TFAP2B: variants seen among roughly 807,000 people sequenced by gnomAD.
The protein encoded by TFAP2B is transcription factor AP-2-beta.
A neutral mutation model predicts 44.3 loss-of-function variants in TFAP2B; 9 were observed. The observed-to-expected ratio is 0.20, with a 90% CI of 0.12 to 0.35. The LOEUF is 0.35. Among genes scored for constraint, TFAP2B ranks in the 10% least tolerant of loss-of-function variants. The pLI is 1.00. For missense variants in TFAP2B, 509 were observed against 600.0 expected, an observed-to-expected ratio of 0.85 and a Z score of 1.59; for synonymous variants, 270 against 263.8, an observed-to-expected ratio of 1.02 and a Z score of -0.23.
chr6:50,825,598 G>A (rs1439045300), intron 2 of TFAP2B, among the ~76,000 whole-genome samples: 1 of 152,194 alleles, frequency 6.6e-6, no homozygotes, highest in Non-Finnish European at 1.5e-5. Context: ...GAAAAACAGG[G>A]CCAGATCAGT....
rs889440901 is a variant in TFAP2B at position 50,844,730 on chromosome 6, A to C, written c.*1338A>C. 1 of 152,360 alleles carries C rather than the reference A, an allele frequency of 6.6e-6. No homozygotes were observed. Among genetic ancestry groups the C allele is most frequent in the African/African-American group, 2.4e-5 (1 of 41,434 alleles). The allele number at this position is 152,360 out of a possible 1,614,324, so 9.4% of individuals were successfully genotyped here. A position where few individuals can be genotyped will look rare whatever the true frequency, so the allele number is the denominator to read the frequency against. On this transcript the variant is annotated 3_prime_UTR_variant, in exon 7 of 7. Coordinates refer to ENST00000393655, the MANE Select transcript of TFAP2B (RefSeq NM_003221.4). ...TTGCCCTGCATTTAAAATTGATTTG[A>C]TTTCCCTGGGTTCTTTGGTGATTGC...
At position 50,835,955 on chromosome 6, in the gene TFAP2B, T is replaced by G; in HGVS notation, c.602-106T>G. The G allele has an allele frequency of 3.2e-6, 3 of 933,508 alleles. No homozygotes were observed. In the South Asian group the frequency reaches 3.9e-5, roughly 12 times the overall value. 57.8% of individuals were successfully genotyped at this position (933,508 alleles called of 1,614,324 possible). On this transcript the variant is annotated intron_variant, in intron 3 of 6. Coordinates refer to ENST00000393655, the MANE Select transcript of TFAP2B (RefSeq NM_003221.4). ...GAATAAACACTTCCTCCCTCAGCTT[T>G]CCACTTGGTGTCTGTCCTGTGGCCT...
In TFAP2B at chr6:50,845,058, A is replaced by T. The variant is rs1762817461; in HGVS notation, c.*1666A>T. On this transcript the variant is annotated 3_prime_UTR_variant, in exon 7 of 7. Coordinates refer to ENST00000393655, the MANE Select transcript of TFAP2B (RefSeq NM_003221.4). Reference sequence around the variant, plus strand: ...CTCCTTTCTTGGGCTCCATCTTAGCATTATCATGAAATAAGATCTGGAATC... The same window carrying T: ...CTCCTTTCTTGGGCTCCATCTTAGCTTTATCATGAAATAAGATCTGGAATC... 6.6e-6 allele frequency: 1 copy of T among 152,142 alleles called. No individual in the cohort carries two copies. The highest frequency in any genetic ancestry group is 2.4e-5 in the African/African-American group (1 of 41,418). 9.4% of individuals were successfully genotyped at this position (152,142 alleles called of 1,614,324 possible).
chr6:50,830,121 T>C (rs1305474963), intron 3 of TFAP2B, among the ~76,000 whole-genome samples: 1 of 152,132 alleles, frequency 6.6e-6, no homozygotes, highest in Non-Finnish European at 1.5e-5. Flanking sequence ...GCTGGTTGAT[T>C]AGGGTGGGGT....
Position 50,846,586 on chromosome 6 carries a change from C to G in TFAP2B, c.*3194C>G, listed in dbSNP as rs538294543. Reference sequence around the variant, plus strand: ...TGTGGCAGTGCTGCCTTCACACTTTCCACTTCGCAAGTTCTTTTAAAGGTT... The same window carrying G: ...TGTGGCAGTGCTGCCTTCACACTTTGCACTTCGCAAGTTCTTTTAAAGGTT... On this transcript the variant is annotated 3_prime_UTR_variant, in exon 7 of 7. Coordinates refer to ENST00000393655, the MANE Select transcript of TFAP2B (RefSeq NM_003221.4). 281 of 152,348 alleles carry G rather than the reference C, an allele frequency of 1.8e-3. 2 individuals are homozygous for G. Among genetic ancestry groups the G allele is most frequent in the African/African-American group, 5.8e-3 (243 of 41,562 alleles). The allele number at this position is 152,348 out of a possible 1,614,324, so 9.4% of individuals were successfully genotyped here.
intron 2 of TFAP2B, among the ~76,000 whole-genome samples, chr6:50,826,706 A>G (rs1770518934): frequency 6.6e-6 from 1 of 151,924 alleles, no homozygotes; most frequent in African/African-American, 2.4e-5. Flanking sequence ...TTTAGTTGTC[A>G]TGTACACCTC....
At chr6:50,836,443 C>T (rs1310705622) in intron 4 of TFAP2B, among the ~76,000 whole-genome samples, 163 bp downstream of exon 4, 1 of 152,248 alleles carries the variant, frequency 6.6e-6, no homozygotes, top group Admixed American at 6.5e-5. Flanking sequence ...TCGCGCAGCG[C>T]TTGGGAGGAT....
chr6:50,846,526 CA>C lies in TFAP2B; in HGVS notation c.*3138del, dbSNP rs1762854308. The C allele has an allele frequency of 6.6e-6, 1 of 152,446 alleles. No homozygotes were observed. The highest frequency in any genetic ancestry group is 1.5e-5 in the Non-Finnish European group (1 of 68,058). 9.4% of individuals were successfully genotyped at this position (152,446 alleles called of 1,614,324 possible). ...CTGCCCACTCCTAAACGCTCAGTCC[CA>C]AAACAAAATAGCGAAAGACAGGAGG... is the stretch of plus-strand genomic sequence containing the variant. On this transcript the variant is annotated 3_prime_UTR_variant, in exon 7 of 7. Transcript: ENST00000393655.
In TFAP2B at chr6:50,844,247, C is replaced by T. The variant is rs935677533; in HGVS notation, c.*855C>T. 7.3e-5 allele frequency: 11 copies of T among 151,078 alleles called. No homozygotes were observed. Among genetic ancestry groups the T allele is most frequent in the African/African-American group, 2.4e-4 (10 of 40,944 alleles). The allele number at this position is 151,078 out of a possible 1,614,324, so 9.4% of individuals were successfully genotyped here. ...CAGCATCTGCATAGAGAGAATCTCA[C>T]ATTTATTATATTTGTGTCATCTACT... On this transcript the variant is annotated 3_prime_UTR_variant, in exon 7 of 7. Coordinates refer to ENST00000393655, the MANE Select transcript of TFAP2B (RefSeq NM_003221.4).
intron 1 of TFAP2B, among the ~76,000 whole-genome samples, chr6:50,823,090 C>G (rs931020624): frequency 6.6e-6 from 1 of 152,092 alleles, no homozygotes; most frequent in African/African-American, 2.4e-5. Context: ...GTTCCTGTAC[C>G]CCTGCCTTTT....
chr6:50,823,617 C>G lies in TFAP2B; in HGVS notation c.292C>G (p.Leu98Val). ...HVNDPYSLNPLHQPQQHPWGQ... is the reference protein window; with the variant it reads ...HVNDPYSLNPVHQPQQHPWGQ... ...CAACGACCCCTACTCCCTGAACCCA[C>G]TGCACCAGCCCCAGCAACATCCCTG... Residue 98 changes from leucine to valine, a missense_variant, in exon 2 of 7, where the codon CTG (leucine) becomes GTG (valine). Leu to Val is a conservative substitution (Grantham distance 32, BLOSUM62 1). Coordinates refer to ENST00000393655, the MANE Select transcript of TFAP2B (RefSeq NM_003221.4). 2.5e-6 allele frequency: 4 copies of G among 1,614,198 alleles called. No homozygotes were observed. Among genetic ancestry groups the G allele is most frequent in the Non-Finnish European group, 3.4e-6 (4 of 1,180,016 alleles).
At chr6:50,823,385 C>T (rs546381647) in intron 1 of TFAP2B, 22 bp from the exon 2 acceptor site, 1 of 1,560,828 alleles carries the variant, frequency 6.4e-7, no homozygotes, top group East Asian at 2.4e-5. Flanking sequence ...GGCTCTCTTC[C>T]CCTTCCTCTC....
chr6:50,832,912 C>CT (rs1352518117), intron 3 of TFAP2B, among the ~76,000 whole-genome samples: 4 of 152,134 alleles, frequency 2.6e-5, no homozygotes, highest in East Asian at 3.9e-4. Context: ...TGTTTTTAGC[C>CT]TTTTTTTACT....
At chr6:50,831,322 C>G (rs1770663144) in intron 3 of TFAP2B, among the ~76,000 whole-genome samples, 2 of 152,130 alleles carry the variant, frequency 1.3e-5, no homozygotes, top group Non-Finnish European at 2.9e-5. Context: ...ATCTCCAGAG[C>G]TCGTTTACGG....
At chr6:50,841,874 AC>A (rs1490074609) in intron 6 of TFAP2B, among the ~76,000 whole-genome samples, 1 of 152,062 alleles carries the variant, frequency 6.6e-6, no homozygotes, top group East Asian at 1.9e-4. Flanking sequence ...TTCTCTATCC[AC>A]CCATCTTAAA....
intron 2 of TFAP2B, among the ~76,000 whole-genome samples, chr6:50,825,334 G>C (rs903260500): frequency 6.6e-6 from 1 of 151,904 alleles, no homozygotes; most frequent in Non-Finnish European, 1.5e-5. Flanking sequence ...GTGTCTCGAG[G>C]GGAAAAGTTT....
intron 5 of TFAP2B, among the ~76,000 whole-genome samples, chr6:50,838,727 C>T (rs1762670220): frequency 6.6e-6 from 1 of 152,108 alleles, no homozygotes. Flanking sequence ...ATTTGCTCAT[C>T]AGTTTGGGTT....
intron 5 of TFAP2B, among the ~76,000 whole-genome samples, 200 bp from the exon 6 acceptor site, chr6:50,839,954 AAG>A (rs1762693698): frequency 1.3e-5 from 2 of 152,246 alleles, no homozygotes; most frequent in Admixed American, 1.3e-4. Flanking sequence ...AGGCAGGAAA[AAG>A]AGACAGGAGC....
At chr6:50,838,709 A>G (rs1762669820) in intron 5 of TFAP2B, among the ~76,000 whole-genome samples, 1 of 152,184 alleles carries the variant, frequency 6.6e-6, no homozygotes, top group South Asian at 2.1e-4. Flanking sequence ...TGCAATAAGC[A>G]CCTTATAATT....
Sources: allele counts gnomAD v4.1 joint callset (sites outside exome capture counted in the v4.1 genomes callset), GRCh38; gene constraint gnomAD v4.1.1; transcripts MANE v1.5; gene names NCBI Gene and HGNC (gene_info 2026-07-23, HGNC 2026-07-21).